Variants in SNTB1 observed in about 807,000 individuals in gnomAD.
SNTB1 encodes syntrophin beta 1.
SNTB1 carries 36 observed loss-of-function variants against 48.9 expected under a neutral mutation model. The observed-to-expected ratio is 0.74, with a 90% CI of 0.56 to 0.97. The LOEUF is 0.97. Among genes scored for constraint, SNTB1 ranks in the 50% least tolerant of loss-of-function variants. The pLI, the probability that SNTB1 is intolerant of heterozygous loss-of-function variation, is 0.00. For synonymous variants in SNTB1, 299 were observed against 294.6 expected (o/e 1.01, Z -0.15); for missense variants, 786 against 703.4 (o/e 1.12, Z -1.33).
chr8:120,573,538 G>A (rs770645318), intron 4 of SNTB1, among the ~76,000 whole-genome samples: 18 of 149,452 alleles, frequency 1.2e-4, no homozygotes, highest in Admixed American at 2.1e-4. Context: ...CCAGTTTGAT[G>A]TAGTTCCATT....
intron 4 of SNTB1, among the ~76,000 whole-genome samples, chr8:120,574,393 G>T (rs373504523): frequency 1.3e-5 from 2 of 152,122 alleles, no homozygotes; most frequent in East Asian, 3.9e-4. Context: ...AAAATATAGA[G>T]GAAGGAGGAA....
At chr8:120,557,566 C>T (rs1269807383) in intron 4 of SNTB1, among the ~76,000 whole-genome samples, 1 of 152,204 alleles carries the variant, frequency 6.6e-6, no homozygotes, top group Non-Finnish European at 1.5e-5. Flanking sequence ...TACTGGAGCT[C>T]AAGACCATTT....
intron 5 of SNTB1, 112 bp downstream of exon 5, chr8:120,548,649 GA>G (rs1171113339): frequency 6.7e-6 from 6 of 896,876 alleles, no homozygotes; most frequent in Non-Finnish European, 1.0e-5. Flanking sequence ...TTTGCTTCTG[GA>G]ATTTTAACTA....
chr8:120,601,141 C>A (rs1360971335), intron 3 of SNTB1, among the ~76,000 whole-genome samples: 1 of 151,860 alleles, frequency 6.6e-6, no homozygotes, highest in Non-Finnish European at 1.5e-5. Flanking sequence ...GGGTCAGACA[C>A]AATGAACACT....
At position 120,616,151 on chromosome 8, in the gene SNTB1, T is replaced by G. The variant is rs118078792; in HGVS notation, c.996+16293A>C. On this transcript the variant is annotated intron_variant, in intron 3 of 6. Transcript: ENST00000517992. ...CTCACATCTCCAAGTCGGTAATGAT[T>G]CAAGAATAATTATTTAATAGTACAT... Among the ~76,000 whole-genome samples the G allele has an allele frequency of 1.2e-4, 18 of 152,288 alleles. No individual in the cohort carries two copies. In the East Asian group the frequency reaches 2.5e-3, roughly 21 times the overall value.
intron 3 of SNTB1, among the ~76,000 whole-genome samples, chr8:120,631,408 C>T (rs998321736): frequency 2.6e-5 from 4 of 152,118 alleles, no homozygotes; most frequent in African/African-American, 4.8e-5. Flanking sequence ...GGCTAAGACC[C>T]GCGCATGATC....
chr8:120,782,169 A>T (rs1443308935), intron 1 of SNTB1, among the ~76,000 whole-genome samples: 1 of 152,040 alleles, frequency 6.6e-6, no homozygotes, highest in South Asian at 2.1e-4. Context: ...TGTGTGTTCA[A>T]ATTTCCCCTT....
intron 4 of SNTB1, among the ~76,000 whole-genome samples, chr8:120,554,198 G>A (rs1815527061): frequency 1.3e-5 from 2 of 152,144 alleles, no homozygotes; most frequent in African/African-American, 2.4e-5. Flanking sequence ...GCATCCCAAA[G>A]ATGTTCCCGT....
chr8:120,599,727 A>G (rs1244921982), intron 3 of SNTB1, among the ~76,000 whole-genome samples: 1 of 152,244 alleles, frequency 6.6e-6, no homozygotes, highest in Admixed American at 6.5e-5. Context: ...TGTAAAGAAT[A>G]GAAGATTGGA....
chr8:120,787,583 T>C (rs1011935047), intron 1 of SNTB1, among the ~76,000 whole-genome samples: 3 of 152,062 alleles, frequency 2.0e-5, no homozygotes, highest in African/African-American at 7.2e-5. Flanking sequence ...TAGGTAACTA[T>C]AAAATGCAGA....
chr8:120,777,226 G>A (rs972532266), intron 1 of SNTB1, among the ~76,000 whole-genome samples: 6 of 152,122 alleles, frequency 3.9e-5, no homozygotes, highest in African/African-American at 1.4e-4. Flanking sequence ...GGATAAATAG[G>A]GGCCTCAAAA....
chr8:120,716,710 AACTAAGCATCAC>A (rs1818564319), intron 1 of SNTB1, among the ~76,000 whole-genome samples: 1 of 152,162 alleles, frequency 6.6e-6, no homozygotes, highest in South Asian at 2.1e-4. Flanking sequence ...CTTGCAGAGG[AACTAAGCATCAC>A]ACTGGTATTC....
chr8:120,612,657 G>A (rs568317347), intron 3 of SNTB1, among the ~76,000 whole-genome samples: 3 of 152,210 alleles, frequency 2.0e-5, no homozygotes, highest in South Asian at 2.1e-4. Flanking sequence ...GGGTTCAAGC[G>A]ATTTTCCTGC....
At chr8:120,691,043 G>A (rs555480282) in intron 2 of SNTB1, among the ~76,000 whole-genome samples, 79 of 152,030 alleles carry the variant, frequency 5.2e-4, no homozygotes, top group African/African-American at 1.9e-3. Flanking sequence ...TGGACTTGAC[G>A]AGCACCAATA....
chr8:120,550,605 T>TAGGA (rs1381641024), intron 4 of SNTB1, among the ~76,000 whole-genome samples: 2 of 149,640 alleles, frequency 1.3e-5, no homozygotes, highest in African/African-American at 4.9e-5. Context: ...GAGTAGAGTC[T>TAGGA]AGGACAGTGT....
intron 1 of SNTB1, among the ~76,000 whole-genome samples, chr8:120,700,109 A>T (rs960220785): frequency 3.3e-5 from 5 of 152,046 alleles, no homozygotes; most frequent in Admixed American, 6.6e-5. Flanking sequence ...TACAGTCCTT[A>T]GGTTCAACCA....
At position 120,793,109 on chromosome 8, in the gene SNTB1, G is replaced by C. The variant is rs184821885; in HGVS notation, c.571+18164C>G. On this transcript the variant is annotated intron_variant, in intron 1 of 6. Transcript: ENST00000517992. ...ATAAGAAACATGTATCATGAGCTTG[G>C]AGATGCAACTGGGATGGAATGAGTT... Among the ~76,000 whole-genome samples the C allele has an allele frequency of 1.3e-3, 191 of 152,022 alleles. 1 individual carries two copies. The highest frequency in any genetic ancestry group is 4.4e-3 in the African/African-American group (184 of 41,442).
chr8:120,548,900 C>A lies in SNTB1; in HGVS notation c.1195G>T (p.Ala399Ser), dbSNP rs373006836. 3 of 1,611,794 alleles carry A rather than the reference C, an allele frequency of 1.9e-6. No individual in the cohort carries two copies. The highest frequency in any genetic ancestry group is 2.5e-6 in the Non-Finnish European group (3 of 1,178,882). Residue 399 changes from alanine to serine, a missense_variant, in exon 5 of 7, where the codon GCA becomes TCA. Transcript: ENST00000517992. ...CCTTGCCTGGTACCAGTTCGCGTTG[C>A]AAAGGACAGATCCACACCAGCCTGG... ...SPQAGVDLSF[A>S]TRTGTRQGIE...
chr8:120,726,381 C>A (rs527368057), intron 1 of SNTB1, among the ~76,000 whole-genome samples: 2 of 151,960 alleles, frequency 1.3e-5, no homozygotes, highest in African/African-American at 4.8e-5. Flanking sequence ...ACAAAAGAAC[C>A]GCCTATTTCT....
Sources: allele counts gnomAD v4.1 joint callset (sites outside exome capture counted in the v4.1 genomes callset), GRCh38; gene constraint gnomAD v4.1.1; transcripts MANE v1.5; gene names NCBI Gene and HGNC (gene_info 2026-07-23, HGNC 2026-07-21).